Variants in ALCAM observed in about 807,000 individuals in gnomAD.
ALCAM encodes the protein CD166 antigen.
In ALCAM, 30 loss-of-function variants were observed where a neutral mutation model predicts 70.9. The ratio of observed to expected loss-of-function variants is 0.42; its 90% CI spans 0.32 to 0.57. The LOEUF is 0.57. ALCAM is among the 20% of genes least tolerant of loss of function. The probability of loss-of-function intolerance (pLI) is 0.11; values close to 1 mark genes in which losing one functional copy is unlikely to be tolerated. For synonymous variants in ALCAM, 249 were observed against 242.5 expected, an observed-to-expected ratio of 1.03 and a Z score of -0.25; for missense variants, 591 against 695.1, an observed-to-expected ratio of 0.85 and a Z score of 1.68.
chr3:105,576,840 T>C lies in ALCAM; in HGVS notation c.*2389T>C, dbSNP rs1035243225. The C allele has an allele frequency of 6.6e-6, 1 of 152,318 alleles. No homozygotes were observed. Among genetic ancestry groups the C allele is most frequent in the South Asian group, 2.1e-4 (1 of 4,830 alleles). The allele number at this position is 152,318 out of a possible 1,614,324, so 9.4% of individuals were successfully genotyped here. A position where few individuals can be genotyped will look rare whatever the true frequency, so the allele number is the denominator to read the frequency against. ...TATATGTGATTATAGGAATTGTTTG[T>C]GGAAATGGATTAACATACCCGTCTA... On this transcript the variant is annotated 3_prime_UTR_variant, in exon 16 of 16. Coordinates refer to ENST00000306107, the MANE Select transcript of ALCAM (RefSeq NM_001627.4).
chr3:105,524,254 C>G, intron 2 of ALCAM, 35 bp from the exon 3 acceptor site: 1 of 1,513,640 alleles, frequency 6.6e-7, no homozygotes. Flanking sequence ...TCTGAATATG[C>G]TTGTGTTTAA....
intron 14 of ALCAM, among the ~76,000 whole-genome samples, chr3:105,566,621 T>A (rs1303853503): frequency 2.6e-5 from 4 of 152,180 alleles, no homozygotes; most frequent in African/African-American, 7.2e-5. Flanking sequence ...TTACTGTGGT[T>A]GCTATAAGGA....
intron 1 of ALCAM, among the ~76,000 whole-genome samples, chr3:105,496,069 G>A (rs1576201597): frequency 6.6e-6 from 1 of 152,126 alleles, no homozygotes; most frequent in East Asian, 1.9e-4. Context: ...GAAAACTTAA[G>A]GGACGTATGA....
At chr3:105,412,611 T>A (rs1311360301) in intron 1 of ALCAM, among the ~76,000 whole-genome samples, 1 of 152,096 alleles carries the variant, frequency 6.6e-6, no homozygotes, top group Non-Finnish European at 1.5e-5. Flanking sequence ...TATTGTTTCT[T>A]TTACACGTGA....
chr3:105,534,884 T>G, intron 6 of ALCAM, 39 bp downstream of exon 6: 1 of 1,512,772 alleles, frequency 6.6e-7, no homozygotes, highest in South Asian at 1.3e-5. Context: ...TTTAATGTAT[T>G]AGAAATAATA....
At chr3:105,430,850 T>G (rs1414904915) in intron 1 of ALCAM, among the ~76,000 whole-genome samples, 1 of 152,106 alleles carries the variant, frequency 6.6e-6, no homozygotes, top group African/African-American at 2.4e-5. Context: ...ATGTATTTAA[T>G]CATCCTATCA....
At chr3:105,501,952 T>C (rs1013719948) in intron 1 of ALCAM, among the ~76,000 whole-genome samples, 13 of 152,226 alleles carry the variant, frequency 8.5e-5, no homozygotes, top group African/African-American at 2.4e-4. Flanking sequence ...TCAATTGATA[T>C]AGAGTTAGAA....
chr3:105,371,967 A>G (rs1935247931), intron 1 of ALCAM, among the ~76,000 whole-genome samples: 2 of 152,296 alleles, frequency 1.3e-5, no homozygotes, highest in South Asian at 2.1e-4. Flanking sequence ...TGACACATGT[A>G]TGTGACATAT....
At chr3:105,407,322 CA>C (rs1453665750) in intron 1 of ALCAM, among the ~76,000 whole-genome samples, 6 of 150,990 alleles carry the variant, frequency 4.0e-5, no homozygotes, top group Non-Finnish European at 5.9e-5. Context: ...AAATCCTAAA[CA>C]AAATGCTAGC....
intron 1 of ALCAM, among the ~76,000 whole-genome samples, chr3:105,408,022 C>T (rs1936293333): frequency 6.6e-6 from 1 of 151,912 alleles, no homozygotes. Flanking sequence ...AAAGACCTTA[C>T]AAAGAAAACT....
At chr3:105,472,202 GT>G (rs1483891521) in intron 1 of ALCAM, among the ~76,000 whole-genome samples, 1 of 150,934 alleles carries the variant, frequency 6.6e-6, no homozygotes, top group African/African-American at 2.4e-5. Flanking sequence ...TTGTTTGTTT[GT>G]TTTTTTAGGC....
chr3:105,497,300 A>G (rs566339557), intron 1 of ALCAM, among the ~76,000 whole-genome samples: 1 of 152,346 alleles, frequency 6.6e-6, no homozygotes, highest in Non-Finnish European at 1.5e-5. Context: ...CCAGCCATTT[A>G]TGATGATAAG....
intron 1 of ALCAM, among the ~76,000 whole-genome samples, chr3:105,505,364 G>A (rs1939044191): frequency 1.3e-5 from 2 of 152,178 alleles, no homozygotes; most frequent in African/African-American, 2.4e-5. Context: ...GGAAGAGAGT[G>A]ATGAGGAAGC....
chr3:105,405,552 G>T (rs1178694003), intron 1 of ALCAM, among the ~76,000 whole-genome samples: 2 of 152,034 alleles, frequency 1.3e-5, no homozygotes, highest in Non-Finnish European at 2.9e-5. Context: ...ATAACAAATG[G>T]ACTTAACAGA....
intron 1 of ALCAM, among the ~76,000 whole-genome samples, chr3:105,474,670 T>A (rs1938048391): frequency 3.3e-5 from 5 of 151,662 alleles, no homozygotes; most frequent in Admixed American, 2.6e-4. Flanking sequence ...GGCAATCTCT[T>A]TTTTTTACGT....
At chr3:105,439,757 G>T (rs1937130772) in intron 1 of ALCAM, among the ~76,000 whole-genome samples, 1 of 152,188 alleles carries the variant, frequency 6.6e-6, no homozygotes, top group Non-Finnish European at 1.5e-5. Flanking sequence ...GGCAGAGGGA[G>T]TTAACTTCTG....
intron 1 of ALCAM, among the ~76,000 whole-genome samples, chr3:105,372,255 A>G (rs1935254508): frequency 6.6e-6 from 1 of 152,104 alleles, no homozygotes; most frequent in Admixed American, 6.5e-5. Context: ...CAATTATTAT[A>G]GTGTCCCTAT....
intron 1 of ALCAM, among the ~76,000 whole-genome samples, chr3:105,510,136 GGAA>G (rs1939197407): frequency 6.6e-6 from 1 of 152,144 alleles, no homozygotes; most frequent in East Asian, 1.9e-4. Flanking sequence ...GAAAAAATGA[GGAA>G]GAAGATGGGG....
Position 105,520,173 on chromosome 3 carries a change from T to C in ALCAM, c.174+6T>C. The C allele has an allele frequency of 6.3e-7, 1 of 1,590,914 alleles. No individual in the cohort carries two copies. The highest frequency in any genetic ancestry group is 8.6e-7 in the Non-Finnish European group (1 of 1,159,122). ...TGTTTGGCAAATGGAAATATGTAAG[T>C]GTGACCTACCTGGGACTTGGTTAAT... On this transcript the variant is annotated splice_donor_region_variant and intron_variant, in intron 2 of 15. Transcript: ENST00000306107.
Sources: gnomAD v4.1 joint callset for allele counts (sites outside exome capture counted in the v4.1 genomes callset) on GRCh38, gnomAD v4.1.1 for gene constraint, MANE v1.5 for transcripts, NCBI Gene and HGNC (gene_info 2026-07-23, HGNC 2026-07-21) for gene names.